Variants in SYNPR observed in about 807,000 individuals in gnomAD.
The protein encoded by SYNPR is synaptoporin.
SYNPR carries 23 observed loss-of-function variants against 32.9 expected under a neutral mutation model. That is an observed-to-expected ratio of 0.70 (90% CI 0.50 to 0.99). The LOEUF is 0.99. Ranked by LOEUF, SYNPR falls within the 50% of genes least tolerant of loss-of-function variation. The pLI is 0.00. For synonymous variants in SYNPR, 146 were observed against 135.9 expected, an observed-to-expected ratio of 1.07 and a Z score of -0.52; for missense variants, 318 against 349.3, an observed-to-expected ratio of 0.91 and a Z score of 0.71.
chr3:63,235,698 G>T (rs1176345935), intron 1 of SYNPR, among the ~76,000 whole-genome samples: 1 of 152,006 alleles, frequency 6.6e-6, no homozygotes, highest in African/African-American at 2.4e-5. Flanking sequence ...AACCTTTAGC[G>T]ACCACTTATT....
Position 63,278,696 on chromosome 3 carries a change from T to G in SYNPR, c.38T>G (p.Phe13Cys). 3.2e-6 allele frequency: 5 copies of G among 1,551,618 alleles called. No individual in the cohort carries two copies. Among genetic ancestry groups the G allele is most frequent in the Non-Finnish European group, 4.4e-6 (5 of 1,146,974 alleles). Residue 13 changes from phenylalanine to cysteine, a missense_variant, in exon 2 of 6, where the codon TTC (phenylalanine) becomes TGC (cysteine). Coordinates refer to ENST00000478300, the MANE Select transcript of SYNPR (RefSeq NM_001130003.2). ...PVSQLASAGT[F>C]RVLKEPLAFL... ...CCAAAGCTGGCCTCTGCGGGCACCT[T>G]CCGGGTGCTGAAGGAGCCCCTTGCC...
At chr3:63,330,776 G>C (rs2087219142) in intron 2 of SYNPR, among the ~76,000 whole-genome samples, 1 of 152,114 alleles carries the variant, frequency 6.6e-6, no homozygotes, top group Non-Finnish European at 1.5e-5. Context: ...GGTCCAGAGA[G>C]ATTAAGTGAC....
chr3:63,574,707 T>C (rs1702948590), intron 4 of SYNPR, among the ~76,000 whole-genome samples: 1 of 152,116 alleles, frequency 6.6e-6, no homozygotes, highest in Non-Finnish European at 1.5e-5. Context: ...TCTTATCTTA[T>C]TCTTCACTGT....
chr3:63,327,777 G>A (rs1338113101), intron 2 of SYNPR, among the ~76,000 whole-genome samples: 2 of 152,104 alleles, frequency 1.3e-5, no homozygotes, highest in African/African-American at 2.4e-5. Context: ...CTAACTTTTG[G>A]TGGTTAGAGG....
At chr3:63,386,270 T>C (rs576168190) in intron 2 of SYNPR, among the ~76,000 whole-genome samples, 5 of 152,336 alleles carry the variant, frequency 3.3e-5, no homozygotes, top group East Asian at 1.9e-4. Flanking sequence ...CCTGCTTCAA[T>C]TGACCCCACA....
chr3:63,344,202 A>G (rs2087407197), intron 2 of SYNPR, among the ~76,000 whole-genome samples: 1 of 152,208 alleles, frequency 6.6e-6, no homozygotes, highest in African/African-American at 2.4e-5. Context: ...TAAGCCTGGC[A>G]TTAAAAAAAG....
intron 3 of SYNPR, among the ~76,000 whole-genome samples, chr3:63,481,443 A>ATGTGTGTG (rs201616193): frequency 8.4e-6 from 1 of 119,760 alleles, no homozygotes; most frequent in East Asian, 2.4e-4. Flanking sequence ...GTGTATATAT[A>ATGTGTGTG]TATATATATG....
At chr3:63,339,321 A>G (rs2087334388) in intron 2 of SYNPR, among the ~76,000 whole-genome samples, 1 of 152,206 alleles carries the variant, frequency 6.6e-6, no homozygotes, top group South Asian at 2.1e-4. Flanking sequence ...CAGGAAGCAA[A>G]TTAACAAATT....
chr3:63,607,089 T>C (rs1317346050), intron 4 of SYNPR, among the ~76,000 whole-genome samples: 3 of 152,196 alleles, frequency 2.0e-5, no homozygotes, highest in East Asian at 3.9e-4. Flanking sequence ...CCCCATTCTA[T>C]GGGCCTTTCT....
chr3:63,328,885 T>G (rs1175999920), intron 2 of SYNPR, among the ~76,000 whole-genome samples: 2 of 152,166 alleles, frequency 1.3e-5, no homozygotes, highest in Non-Finnish European at 2.9e-5. Context: ...ACCTGTTTTC[T>G]CAAATTGACC....
intron 2 of SYNPR, among the ~76,000 whole-genome samples, chr3:63,401,352 G>A (rs557342951): frequency 2.6e-5 from 4 of 152,096 alleles, no homozygotes; most frequent in Non-Finnish European, 2.9e-5. Flanking sequence ...AAGAGCATGC[G>A]ATTGCTATGG....
chr3:63,576,615 C>A (rs1702984054), intron 4 of SYNPR, among the ~76,000 whole-genome samples: 1 of 151,762 alleles, frequency 6.6e-6, no homozygotes, highest in Non-Finnish European at 1.5e-5. Context: ...TATGGTGAAA[C>A]CCCGTCTCTA....
rs866859380 is a variant in SYNPR at position 63,517,645 on chromosome 3, G to A, written c.209+36689G>A. Among the ~76,000 whole-genome samples, 9 of 152,128 alleles carry A rather than the reference G, an allele frequency of 5.9e-5. No individual in the cohort carries two copies. In the Middle Eastern group the frequency reaches 0.014, roughly 232 times the overall value. ...TTTAAGAATCTGAGAAAAGCTTTGC[G>A]TTCTCCAAAGAAATATGCACATTCA... is the stretch of plus-strand genomic sequence containing the variant. On this transcript the variant is annotated intron_variant, in intron 3 of 5. Transcript: ENST00000478300.
intron 3 of SYNPR, among the ~76,000 whole-genome samples, chr3:63,532,904 T>C (rs1575696255): frequency 6.6e-6 from 1 of 152,226 alleles, no homozygotes; most frequent in African/African-American, 2.4e-5. Context: ...CTCCATTTCC[T>C]GGAGATAATT....
At chr3:63,276,146 G>C (rs2086572597), upstream of SYNPR, among the ~76,000 whole-genome samples, 1 of 152,132 alleles carries the variant, frequency 6.6e-6, no homozygotes, top group Admixed American at 6.5e-5. Context: ...ATTCATCGTG[G>C]TAGAAGGAAA....
At chr3:63,516,716 A>G (rs1013068212) in intron 3 of SYNPR, among the ~76,000 whole-genome samples, 2 of 151,964 alleles carry the variant, frequency 1.3e-5, no homozygotes, top group African/African-American at 4.8e-5. Context: ...GTTATATACA[A>G]CTCTTCAGAG....
intron 2 of SYNPR, chr3:63,443,582 T>A: frequency 8.2e-7 from 1 of 1,216,638 alleles, no homozygotes; most frequent in Non-Finnish European, 1.2e-6. Flanking sequence ...TATCAGTTTT[T>A]AAGTCTCTAG....
In SYNPR at chr3:63,270,690, T is replaced by C. The variant is rs139396142; in HGVS notation, n.287+3241T>C. Among the ~76,000 whole-genome samples, 27 of 152,320 alleles carry C rather than the reference T, an allele frequency of 1.8e-4. No homozygotes were observed. The East Asian group carries it at 5.0e-3, about 28-fold the overall frequency. On this transcript the variant is annotated intron_variant and non_coding_transcript_variant, in intron 3 of 4. Transcript: ENST00000478456. ...GTGGGCTGGTAATTTAACTTATCTA[T>C]GCTTCAGTTCCATTATTTATAAGAT...
upstream of SYNPR, among the ~76,000 whole-genome samples, chr3:63,277,944 A>AT (rs148977379): frequency 0.011 from 1,603 of 152,166 alleles, 34 homozygotes; most frequent in African/African-American, 0.037. Flanking sequence ...ACAAATAGTT[A>AT]TTTTTTTATT....
Sources: allele counts gnomAD v4.1 joint callset (sites outside exome capture counted in the v4.1 genomes callset), GRCh38; gene constraint gnomAD v4.1.1; transcripts MANE v1.5; gene names NCBI Gene and HGNC (gene_info 2026-07-23, HGNC 2026-07-21).